FUT9: variants seen among roughly 807,000 people sequenced by gnomAD.
FUT9 encodes fucosyltransferase 9, also known as 4-galactosyl-N-acetylglucosaminide 3-alpha-L-fucosyltransferase 9.
Under a neutral mutation model 29.7 loss-of-function variants are expected in FUT9, and 15 were observed. The observed-to-expected ratio is 0.51, with a 90% confidence interval of 0.34 to 0.78. The LOEUF (loss-of-function observed/expected upper bound fraction) is 0.78, where lower values mean the gene tolerates loss of function less well. FUT9 is among the 30% of genes least tolerant of loss of function. FUT9 has a pLI of 0.01. For synonymous variants in FUT9, 169 were observed against 153.7 expected, an observed-to-expected ratio of 1.10 and a Z score of -0.74; for missense variants, 319 against 425.4, an observed-to-expected ratio of 0.75 and a Z score of 2.20.
At chr6:96,111,738 A>C (rs1771812148) in intron 1 of FUT9, among the ~76,000 whole-genome samples, 1 of 152,180 alleles carries the variant, frequency 6.6e-6, no homozygotes, top group Non-Finnish European at 1.5e-5. Context: ...GATGGTAAAA[A>C]CAAAAACAAG....
intron 2 of FUT9, among the ~76,000 whole-genome samples, chr6:96,200,594 A>T (rs1773710906): frequency 6.6e-6 from 1 of 152,184 alleles, no homozygotes; most frequent in Non-Finnish European, 1.5e-5. Flanking sequence ...TAACCTGATT[A>T]TATTGAACTG....
chr6:96,037,013 G>T (rs1367170030), intron 1 of FUT9: 1 of 152,002 alleles, frequency 6.6e-6, no homozygotes, highest in Non-Finnish European at 1.5e-5. Context: ...AAACTAGAAA[G>T]CTAGAGGCCT....
chr6:96,030,056 C>G (rs548586385), intron 1 of FUT9, among the ~76,000 whole-genome samples: 2 of 151,610 alleles, frequency 1.3e-5, no homozygotes, highest in East Asian at 3.9e-4. Flanking sequence ...TTCTGATGAC[C>G]AGAACTCCTC....
chr6:96,050,373 A>G (rs1337002043), intron 1 of FUT9, among the ~76,000 whole-genome samples: 1 of 152,194 alleles, frequency 6.6e-6, no homozygotes, highest in African/African-American at 2.4e-5. Context: ...GTTTACCATC[A>G]TTCCATTTAA....
intron 2 of FUT9, among the ~76,000 whole-genome samples, chr6:96,175,571 G>GATTT (rs1288278190): frequency 1.2e-4 from 19 of 152,230 alleles, no homozygotes; most frequent in Middle Eastern, 3.4e-3. Flanking sequence ...GTTTAATGTA[G>GATTT]ATTTAATAGG....
chr6:96,210,869 T>C lies in FUT9; in HGVS notation c.*6634T>C, dbSNP rs1773924445. ...CAAGGTCTGCCATTCACTAGCTATG[T>C]GCAAGTTACTCAACTTCTCTTATCC... On this transcript the variant is annotated 3_prime_UTR_variant, in exon 3 of 3. Transcript: ENST00000302103. 6.0e-6 allele frequency: 1 copy of C among 166,810 alleles called. No homozygotes were observed. The highest frequency in any genetic ancestry group is 1.5e-5 in the Non-Finnish European group (1 of 68,030). The allele number at this position is 166,810 out of a possible 1,614,324, so 10.3% of individuals were successfully genotyped here.
chr6:96,165,146 C>T (rs886392482), intron 2 of FUT9, among the ~76,000 whole-genome samples: 25 of 152,070 alleles, frequency 1.6e-4, no homozygotes, highest in African/African-American at 5.8e-4. Context: ...AGAGTTGACT[C>T]ACAGGCTGGG....
At chr6:96,060,365 A>T (rs190326079) in intron 1 of FUT9, among the ~76,000 whole-genome samples, 2 of 152,246 alleles carry the variant, frequency 1.3e-5, no homozygotes, top group African/African-American at 4.8e-5. Flanking sequence ...TATACAGCAT[A>T]AAACATTTAT....
chr6:96,105,733 G>A (rs1328278237), intron 1 of FUT9, among the ~76,000 whole-genome samples: 1 of 152,032 alleles, frequency 6.6e-6, no homozygotes, highest in East Asian at 1.9e-4. Context: ...TTATTCAGTT[G>A]TTTTGAACAC....
intron 1 of FUT9, among the ~76,000 whole-genome samples, chr6:96,051,930 T>A (rs1770678169): frequency 6.6e-6 from 1 of 152,148 alleles, no homozygotes; most frequent in Admixed American, 6.5e-5. Context: ...TTTTCCACAA[T>A]CTTTGAGAAT....
At chr6:96,087,549 T>C (rs531515080) in intron 1 of FUT9, among the ~76,000 whole-genome samples, 1 of 151,970 alleles carries the variant, frequency 6.6e-6, no homozygotes, top group South Asian at 2.1e-4. Context: ...GTAGTTTTAG[T>C]AGAGACGGGG....
intron 2 of FUT9, among the ~76,000 whole-genome samples, chr6:96,170,132 T>C (rs927798400): frequency 1.3e-5 from 2 of 152,156 alleles, no homozygotes; most frequent in Non-Finnish European, 1.5e-5. Flanking sequence ...AGAGACAGCA[T>C]AACAAGAAGC....
intron 1 of FUT9, among the ~76,000 whole-genome samples, chr6:96,032,986 G>C (rs891865391): frequency 1.3e-4 from 19 of 151,644 alleles, no homozygotes; most frequent in African/African-American, 3.9e-4. Flanking sequence ...GGTTTTTGAC[G>C]GTTTTTTGAT....
chr6:96,019,595 A>G (rs1770034691), intron 1 of FUT9, among the ~76,000 whole-genome samples: 1 of 152,116 alleles, frequency 6.6e-6, no homozygotes, highest in Admixed American at 6.5e-5. Context: ...AATAAGCATG[A>G]TGATTCAACC....
chr6:96,205,895 A>G lies in FUT9; in HGVS notation c.*1660A>G, dbSNP rs564216491. On this transcript the variant is annotated 3_prime_UTR_variant, in exon 3 of 3. Coordinates refer to ENST00000302103, the MANE Select transcript of FUT9 (RefSeq NM_006581.4). The stretch of plus-strand genomic sequence containing the variant: ...CTCACCCCAGCACCAGAAAGATTTG[A>G]GCAGAGGAATATTCCTGTAATGAAT... The G allele has an allele frequency of 6.0e-6, 1 of 167,180 alleles. No homozygotes were observed. The highest frequency in any genetic ancestry group is 1.5e-5 in the Non-Finnish European group (1 of 68,116). The allele number at this position is 167,180 out of a possible 1,614,324, so 10.4% of individuals were successfully genotyped here.
At chr6:96,069,066 C>T (rs562080698) in intron 1 of FUT9, among the ~76,000 whole-genome samples, 2 of 152,158 alleles carry the variant, frequency 1.3e-5, no homozygotes, top group Non-Finnish European at 2.9e-5. Flanking sequence ...CCTGTCATTC[C>T]AGCACTTTGG....
At chr6:96,084,790 G>A (rs1771289199) in intron 1 of FUT9, among the ~76,000 whole-genome samples, 1 of 151,998 alleles carries the variant, frequency 6.6e-6, no homozygotes, top group African/African-American at 2.4e-5. Context: ...TCTCATTACT[G>A]ATTCCCATTT....
In FUT9 at chr6:96,210,498, CA is replaced by C; in HGVS notation, c.*6264del. 2 of 166,864 alleles carry C rather than the reference CA, an allele frequency of 1.2e-5. No individual in the cohort carries two copies. The allele number at this position is 166,864 out of a possible 1,614,324, so 10.3% of individuals were successfully genotyped here. On this transcript the variant is annotated 3_prime_UTR_variant, in exon 3 of 3. Coordinates refer to ENST00000302103, the MANE Select transcript of FUT9 (RefSeq NM_006581.4). The stretch of plus-strand genomic sequence containing the variant: ...TTTGAGGAAGAGCCCAGAAGTCTAA[CA>C]GGTGTAAATGTTCCACAGGTAATAC...
intron 1 of FUT9, among the ~76,000 whole-genome samples, chr6:96,080,039 A>G (rs1277959559): frequency 6.6e-6 from 1 of 152,060 alleles, no homozygotes; most frequent in East Asian, 1.9e-4. Flanking sequence ...AACTCAGGAC[A>G]TTAAATATCA....
Sources: gnomAD v4.1 joint callset for allele counts (sites outside exome capture counted in the v4.1 genomes callset) on GRCh38, gnomAD v4.1.1 for gene constraint, MANE v1.5 for transcripts, NCBI Gene and HGNC (gene_info 2026-07-23, HGNC 2026-07-21) for gene names.